The following ATG5 variants were observed in gnomAD, a reference collection of about 807,000 sequenced individuals.
The protein encoded by ATG5 is autophagy protein 5.
Under a neutral mutation model 36.5 loss-of-function variants are expected in ATG5, and 14 were observed. That is an observed-to-expected ratio of 0.38 (90% CI 0.25 to 0.60). The LOEUF (loss-of-function observed/expected upper bound fraction) is 0.60. Among genes scored for constraint, ATG5 ranks in the 20% least tolerant of loss-of-function variants. ATG5 has a pLI of 0.60. For synonymous variants in ATG5, 95 were observed against 101.5 expected, an observed-to-expected ratio of 0.94 and a Z score of 0.38; for missense variants, 195 against 326.7, an observed-to-expected ratio of 0.60 and a Z score of 3.11.
chr6:106,239,588 A>G (rs907245936), intron 6 of ATG5, among the ~76,000 whole-genome samples: 2 of 152,230 alleles, frequency 1.3e-5, no homozygotes, highest in African/African-American at 4.8e-5. Context: ...TTAAATAAAA[A>G]TACTACTAGG....
intron 5 of ATG5, among the ~76,000 whole-genome samples, chr6:106,259,443 A>G (rs903874637): frequency 6.6e-6 from 1 of 152,180 alleles, no homozygotes; most frequent in Non-Finnish European, 1.5e-5. Flanking sequence ...TACAGCTCAG[A>G]TATCTGAATT....
intron 7 of ATG5, among the ~76,000 whole-genome samples, chr6:106,189,395 A>G (rs1196031361): frequency 6.6e-6 from 1 of 152,124 alleles, no homozygotes; most frequent in Non-Finnish European, 1.5e-5. Flanking sequence ...GCTTGAGCCC[A>G]GGAATTTGAG....
At chr6:106,279,516 A>G (rs1779793840) in intron 5 of ATG5, 145 bp downstream of exon 5, 1 of 639,486 alleles carries the variant, frequency 1.6e-6, no homozygotes, top group Admixed American at 4.0e-5. Context: ...GGGATGACTA[A>G]AAGTAGCTTC....
chr6:106,316,788 C>T (rs1337469457), intron 1 of ATG5, among the ~76,000 whole-genome samples: 4 of 152,144 alleles, frequency 2.6e-5, no homozygotes, highest in Admixed American at 2.0e-4. Context: ...AACCCATTCC[C>T]CATTCTAAAT....
At chr6:106,241,130 GT>G (rs1778108046) in intron 6 of ATG5, among the ~76,000 whole-genome samples, 1 of 152,178 alleles carries the variant, frequency 6.6e-6, no homozygotes, top group Non-Finnish European at 1.5e-5. Flanking sequence ...TCCAGTCCAG[GT>G]GACAGAACGA....
intron 5 of ATG5, among the ~76,000 whole-genome samples, chr6:106,273,878 T>A (rs1463034462): frequency 1.3e-5 from 2 of 152,216 alleles, no homozygotes; most frequent in African/African-American, 4.8e-5. Context: ...ATTTTCCAAA[T>A]GTCGTGACTT....
chr6:106,270,274 G>C (rs1779403301), intron 5 of ATG5, among the ~76,000 whole-genome samples: 1 of 152,076 alleles, frequency 6.6e-6, no homozygotes, highest in Non-Finnish European at 1.5e-5. Flanking sequence ...ATAGTAAAAT[G>C]CTTGTTTGTT....
intron 6 of ATG5, among the ~76,000 whole-genome samples, chr6:106,222,311 C>T (rs574547657): frequency 7.2e-5 from 11 of 152,256 alleles, no homozygotes; most frequent in African/African-American, 2.6e-4. Context: ...TCTAAAATTA[C>T]CCCATATACT....
intron 3 of ATG5, among the ~76,000 whole-genome samples, chr6:106,304,593 G>A (rs1452646412): frequency 2.0e-5 from 3 of 152,140 alleles, no homozygotes; most frequent in Non-Finnish European, 4.4e-5. Flanking sequence ...CATACTACAT[G>A]AGCCCATTTA....
chr6:106,266,413 G>A (rs937571435), intron 5 of ATG5, among the ~76,000 whole-genome samples: 2 of 152,088 alleles, frequency 1.3e-5, no homozygotes, highest in Non-Finnish European at 2.9e-5. Context: ...TTCTACCACA[G>A]GTACAAAGAG....
intron 6 of ATG5, among the ~76,000 whole-genome samples, chr6:106,245,059 A>C (rs1300833652): frequency 6.6e-6 from 1 of 152,204 alleles, no homozygotes; most frequent in African/African-American, 2.4e-5. Context: ...TCTCTAGAAT[A>C]CTGGCTAATA....
At chr6:106,280,225 A>T (rs1208450552) in intron 4 of ATG5, among the ~76,000 whole-genome samples, 1 of 151,432 alleles carries the variant, frequency 6.6e-6, no homozygotes, top group Admixed American at 6.6e-5. Context: ...CATCTGACCC[A>T]GCCATTCCAC....
chr6:106,254,322 GT>G (rs1460342397), intron 5 of ATG5, among the ~76,000 whole-genome samples: 5 of 152,132 alleles, frequency 3.3e-5, no homozygotes, highest in African/African-American at 9.7e-5. Context: ...CAATTTACAT[GT>G]TTAAGTATGT....
At chr6:106,200,907 T>C (rs1317603057) in intron 7 of ATG5, among the ~76,000 whole-genome samples, 1 of 152,096 alleles carries the variant, frequency 6.6e-6, no homozygotes, top group African/African-American at 2.4e-5. Flanking sequence ...CACAATGTGG[T>C]CACTTGGTAT....
intron 7 of ATG5, among the ~76,000 whole-genome samples, chr6:106,188,030 T>C (rs1431360603): frequency 6.6e-6 from 1 of 152,208 alleles, no homozygotes; most frequent in Non-Finnish European, 1.5e-5. Flanking sequence ...AAAAAAATGC[T>C]TTATTTTTTC....
At chr6:106,197,333 C>T (rs150184055) in intron 7 of ATG5, among the ~76,000 whole-genome samples, 1 of 152,224 alleles carries the variant, frequency 6.6e-6, no homozygotes, top group East Asian at 1.9e-4. Context: ...CCAGCCTGGG[C>T]AACACAGTGA....
intron 5 of ATG5, among the ~76,000 whole-genome samples, chr6:106,263,720 T>C (rs1779116340): frequency 6.6e-6 from 1 of 152,046 alleles, no homozygotes; most frequent in African/African-American, 2.4e-5. Flanking sequence ...GAACAGGGTC[T>C]AGAGTGGACT....
At chr6:106,278,065 C>G (rs1278443227) in intron 5 of ATG5, among the ~76,000 whole-genome samples, 1 of 152,086 alleles carries the variant, frequency 6.6e-6, no homozygotes, top group Non-Finnish European at 1.5e-5. Flanking sequence ...CCTGCCTCAG[C>G]CTGCCTAGGA....
intron 6 of ATG5, among the ~76,000 whole-genome samples, chr6:106,209,918 T>C (rs760843208): frequency 2.4e-4 from 36 of 152,220 alleles, no homozygotes; most frequent in Non-Finnish European, 4.3e-4. Context: ...TGAGGACCTG[T>C]AGCATTTTGG....
Sources: gnomAD v4.1 joint callset for allele counts (sites outside exome capture counted in the v4.1 genomes callset) on GRCh38, gnomAD v4.1.1 for gene constraint, MANE v1.5 for transcripts, NCBI Gene and HGNC (gene_info 2026-07-23, HGNC 2026-07-21) for gene names.